ADARB2: variants seen among roughly 807,000 people sequenced by gnomAD.
ADARB2 encodes adenosine deaminase RNA specific B2 (inactive).
ADARB2 carries 25 observed loss-of-function variants against 62.2 expected under a neutral mutation model. The observed-to-expected ratio is 0.40, with a 90% CI of 0.29 to 0.56. The LOEUF is 0.56. Among genes scored for constraint, ADARB2 ranks in the 20% least tolerant of loss-of-function variants. The pLI, the probability that ADARB2 is intolerant of heterozygous loss-of-function variation, is 0.43. For missense variants in ADARB2, 1,071 were observed against 1,077.4 expected (o/e 0.99, Z 0.08); for synonymous variants, 572 against 500.8 (o/e 1.14, Z -1.90).
intron 3 of ADARB2, among the ~76,000 whole-genome samples, chr10:1,303,523 G>A (rs1017894209): frequency 6.6e-6 from 1 of 152,112 alleles, no homozygotes; most frequent in African/African-American, 2.4e-5. Flanking sequence ...GGGAAATACA[G>A]AGAATGCCAC....
intron 3 of ADARB2, among the ~76,000 whole-genome samples, chr10:1,324,560 G>C (rs1831826021): frequency 6.6e-6 from 1 of 152,198 alleles, no homozygotes; most frequent in Non-Finnish European, 1.5e-5. Flanking sequence ...GCAATGAAAA[G>C]GAACGAAATA....
At chr10:1,423,953 T>C (rs1294341642) in intron 1 of ADARB2, among the ~76,000 whole-genome samples, 1 of 152,204 alleles carries the variant, frequency 6.6e-6, no homozygotes, top group African/African-American at 2.4e-5. Flanking sequence ...GTAGATCCAC[T>C]ATGTATGCAG....
At chr10:1,696,191 T>C (rs1267313633) in intron 1 of ADARB2, among the ~76,000 whole-genome samples, 14 of 148,800 alleles carry the variant, frequency 9.4e-5, no homozygotes, top group Admixed American at 9.3e-4. Context: ...CACATGCATA[T>C]ATGTGTCACG....
At chr10:1,395,997 G>T (rs550690982) in intron 1 of ADARB2, among the ~76,000 whole-genome samples, 3 of 152,328 alleles carry the variant, frequency 2.0e-5, no homozygotes, top group Non-Finnish European at 4.4e-5. Flanking sequence ...CACATTGTCT[G>T]CTCTGAGTCC....
chr10:1,644,486 G>A (rs1387172409), intron 1 of ADARB2, among the ~76,000 whole-genome samples: 2 of 152,254 alleles, frequency 1.3e-5, no homozygotes, highest in East Asian at 3.8e-4. Flanking sequence ...AAAGGAGAGG[G>A]GAATTCTCAA....
intron 1 of ADARB2, chr10:1,678,091 G>A: frequency 1.1e-6 from 1 of 928,752 alleles, no homozygotes; most frequent in Non-Finnish European, 1.3e-6. Flanking sequence ...GGTTTTAAAG[G>A]CCAATTTCTG....
At chr10:1,424,878 A>T (rs1022952463) in intron 1 of ADARB2, among the ~76,000 whole-genome samples, 1 of 152,218 alleles carries the variant, frequency 6.6e-6, no homozygotes, top group Non-Finnish European at 1.5e-5. Flanking sequence ...AACTGTGGCC[A>T]CTGGGGAGTA....
chr10:1,413,697 C>A (rs566947627), intron 1 of ADARB2, among the ~76,000 whole-genome samples: 1 of 152,166 alleles, frequency 6.6e-6, no homozygotes, highest in East Asian at 1.9e-4. Context: ...TTCTGCCCAG[C>A]GACCTCTCAG....
chr10:1,617,050 C>A (rs111370360), intron 1 of ADARB2, among the ~76,000 whole-genome samples: 2,105 of 48,668 alleles, frequency 0.043, no homozygotes, highest in Middle Eastern at 0.16. Context: ...TGTGCTCTGC[C>A]TCCTGGGAAC....
chr10:1,450,823 G>C (rs559652391), intron 1 of ADARB2, among the ~76,000 whole-genome samples: 16 of 152,252 alleles, frequency 1.1e-4, no homozygotes, highest in South Asian at 6.2e-4. Flanking sequence ...CCAAGATTTG[G>C]GGTGTTATCT....
intron 1 of ADARB2, among the ~76,000 whole-genome samples, chr10:1,403,005 C>T (rs563128247): frequency 2.0e-5 from 3 of 152,154 alleles, no homozygotes; most frequent in South Asian, 4.2e-4. Context: ...CTCAGGGCGG[C>T]GGAAGTCCGT....
chr10:1,713,604 G>C (rs529791255), intron 1 of ADARB2, among the ~76,000 whole-genome samples: 1 of 152,250 alleles, frequency 6.6e-6, no homozygotes, highest in East Asian at 1.9e-4. Context: ...CTTCTATTTG[G>C]TCAAAAAGCA....
At chr10:1,466,079 G>C (rs899635753) in intron 1 of ADARB2, among the ~76,000 whole-genome samples, 4 of 152,220 alleles carry the variant, frequency 2.6e-5, no homozygotes, top group African/African-American at 9.6e-5. Flanking sequence ...AGCTAAACAC[G>C]ACCCAGGCAA....
intron 3 of ADARB2, among the ~76,000 whole-genome samples, chr10:1,311,903 A>G (rs1220949261): frequency 1.3e-5 from 2 of 152,138 alleles, no homozygotes; most frequent in African/African-American, 4.8e-5. Flanking sequence ...GGAAGGAATG[A>G]TTGAGTCTGT....
At chr10:1,558,626 G>A (rs1398860201) in intron 1 of ADARB2, among the ~76,000 whole-genome samples, 1 of 122,366 alleles carries the variant, frequency 8.2e-6, no homozygotes, top group Admixed American at 8.5e-5. Context: ...ATCTAAACTC[G>A]AATCCCACCT....
At chr10:1,582,737 C>T (rs539167830) in intron 1 of ADARB2, among the ~76,000 whole-genome samples, 11 of 152,286 alleles carry the variant, frequency 7.2e-5, no homozygotes, top group South Asian at 2.1e-4. Flanking sequence ...AAGCTCCTCT[C>T]ACCCTCCATA....
intron 2 of ADARB2, among the ~76,000 whole-genome samples, chr10:1,371,143 G>A (rs55894130): frequency 0.27 from 41,167 of 152,052 alleles, 6,603 homozygotes; most frequent in Non-Finnish European, 0.36. Context: ...AAAGTGGTCC[G>A]TCTCCAGCCA....
chr10:1,696,189 T>C (rs1588356025), intron 1 of ADARB2, among the ~76,000 whole-genome samples: 1 of 20,852 alleles, frequency 4.8e-5, no homozygotes, highest in Non-Finnish European at 1.6e-4. Context: ...CACACATGCA[T>C]ATATGTGTCA....
At chr10:1,479,649 G>A (rs1035108319) in intron 1 of ADARB2, among the ~76,000 whole-genome samples, 2 of 152,246 alleles carry the variant, frequency 1.3e-5, no homozygotes, top group Admixed American at 1.3e-4. Context: ...GGGAGAGGCT[G>A]AAGAGGGGTG....
Sources: allele counts gnomAD v4.1 joint callset (sites outside exome capture counted in the v4.1 genomes callset), GRCh38; gene constraint gnomAD v4.1.1; transcripts MANE v1.5; gene names NCBI Gene and HGNC (gene_info 2026-07-23, HGNC 2026-07-21).